Variants in CR2 observed in about 807,000 individuals in gnomAD.
CR2 encodes the protein complement receptor type 2.
CR2 carries 96 observed loss-of-function variants against 123.0 expected under a neutral mutation model. The observed-to-expected ratio is 0.78, with a 90% CI of 0.66 to 0.93. The LOEUF is 0.93. Among genes scored for constraint, CR2 ranks in the 40% least tolerant of loss-of-function variants. The pLI is 0.00. For missense variants in CR2, 1,258 were observed against 1,361.0 expected (o/e 0.92, Z 1.19); for synonymous variants, 484 against 469.5 (o/e 1.03, Z -0.40).
In CR2 at chr1:207,454,430, G is replaced by T; in HGVS notation, c.12G>T (p.Ala4=). The part of the protein sequence containing the change: MGA[A]GLLGVFLALV... ...GCTTCGGCCGTGGCATGGGCGCCGC[G>T]GGCCTGCTCGGGGTTTTCTTGGCTC... The change falls in exon 1 of 20, where the codon GCG becomes GCT. Residue 4 remains alanine, a synonymous_variant. Transcript: ENST00000367057. This position sits in a 1 kb window ranked among gnomAD's most constrained non-coding sequence, Gnocchi z 4.3. 6.3e-7 allele frequency: 1 copy of T among 1,584,066 alleles called. No individual in the cohort carries two copies. Among genetic ancestry groups the T allele is most frequent in the East Asian group, 2.3e-5 (1 of 43,858 alleles).
rs1558196448 is a variant in CR2 at position 207,479,268 on chromosome 1, C to G, written c.3100C>G (p.Pro1034Ala). 1 of 1,598,710 alleles carries G rather than the reference C, an allele frequency of 6.3e-7. No homozygotes were observed. The highest frequency in any genetic ancestry group is 8.6e-7 in the Non-Finnish European group (1 of 1,166,616). ...TGTACTATTTTTAGGTTCACTTGCT[C>G]CTGTCCTTTGTGGTAAGTCTTCTTA... is the stretch of plus-strand genomic sequence containing the variant. ...LAVCRSRSLA[P>A]VLCGIAAGLI... The change falls in exon 17 of 20, where the codon CCT becomes GCT. Residue 1034 changes from proline (P) to alanine (A), a missense_variant. Transcript: ENST00000367057.
intron 1 of CR2, 139 bp from the exon 2 acceptor site, chr1:207,466,387 C>A: frequency 1.0e-6 from 1 of 965,616 alleles, no homozygotes; most frequent in Non-Finnish European, 1.6e-6. Flanking sequence ...TGGGAGTAAG[C>A]AGGGAATAAA....
At chr1:207,488,232 C>A (rs769717552) in intron 19 of CR2, among the ~76,000 whole-genome samples, 4 of 152,182 alleles carry the variant, frequency 2.6e-5, no homozygotes, top group Non-Finnish European at 5.9e-5. Flanking sequence ...GAAATAATAT[C>A]CAAGAAAACC....
chr1:207,468,836 G>A lies in CR2; in HGVS notation c.671G>A (p.Gly224Glu), dbSNP rs927776538. 1 of 1,613,966 alleles carries A rather than the reference G, an allele frequency of 6.2e-7. No homozygotes were observed. Among genetic ancestry groups the A allele is most frequent in the Non-Finnish European group, 8.5e-7 (1 of 1,179,924 alleles). The change falls in exon 4 of 20, where the codon GGG becomes GAG. Residue 224 changes from glycine to glutamate, a missense_variant. Transcript: ENST00000367057. ...AAATCTCTAGGACGATTTCCCAATG[G>A]GAAGGTAAAGGAGCCTCCAATTCTC... ...RCKSLGRFPNGKVKEPPILRV... is the reference protein window; with the variant it reads ...RCKSLGRFPNEKVKEPPILRV...
Position 207,475,235 on chromosome 1 carries a change from A to T in CR2, c.2716+19A>T. 1 of 1,613,670 alleles carries T rather than the reference A, an allele frequency of 6.2e-7. No homozygotes were observed. Among genetic ancestry groups the T allele is most frequent in the Non-Finnish European group, 8.5e-7 (1 of 1,179,744 alleles). On this transcript the variant is annotated intron_variant, in intron 14 of 19. Transcript: ENST00000367057. ...AAAAAAGGTAAGATACTTGGAAGGG[A>T]TAAGTTATGGGATGTTGTACAGAAT...
chr1:207,467,479 T>C (rs1658135232), intron 2 of CR2, among the ~76,000 whole-genome samples: 1 of 152,164 alleles, frequency 6.6e-6, no homozygotes, highest in African/African-American at 2.4e-5. Flanking sequence ...ATTCCTTCTC[T>C]TTTGGTTTGG....
chr1:207,461,087 A>G (rs183787156), intron 1 of CR2, among the ~76,000 whole-genome samples: 198 of 152,298 alleles, frequency 1.3e-3, no homozygotes, highest in African/African-American at 4.6e-3. Context: ...TGTCCCACAA[A>G]TTCACAAATA....
intron 19 of CR2, among the ~76,000 whole-genome samples, chr1:207,488,773 C>T (rs1391330994): frequency 6.6e-6 from 1 of 152,074 alleles, no homozygotes; most frequent in African/African-American, 2.4e-5. Flanking sequence ...GAAAAGGTAA[C>T]CTGCTGCTGG....
At chr1:207,483,506 G>GA (rs1184513331) in intron 18 of CR2, among the ~76,000 whole-genome samples, 2 of 151,292 alleles carry the variant, frequency 1.3e-5, no homozygotes, top group Non-Finnish European at 1.5e-5. Flanking sequence ...AATGACTTCA[G>GA]AAAAAAAGGG....
chr1:207,480,272 A>G (rs1019285054), intron 18 of CR2, among the ~76,000 whole-genome samples: 1 of 152,230 alleles, frequency 6.6e-6, no homozygotes, highest in African/African-American at 2.4e-5. Context: ...TTCAGATAGT[A>G]TATTGTAAAC....
chr1:207,455,761 A>C (rs1335661485), intron 1 of CR2, among the ~76,000 whole-genome samples: 1 of 152,218 alleles, frequency 6.6e-6, no homozygotes, highest in Non-Finnish European at 1.5e-5. Flanking sequence ...TAAATTTCAA[A>C]GAGGATATTA....
intron 1 of CR2, among the ~76,000 whole-genome samples, chr1:207,460,206 A>G (rs1253670793): frequency 6.6e-6 from 1 of 152,204 alleles, no homozygotes. Context: ...TCAAACCCTG[A>G]TATTCCTTAT....
At chr1:207,479,734 T>A (rs1363690147) in intron 17 of CR2, among the ~76,000 whole-genome samples, 4 of 152,198 alleles carry the variant, frequency 2.6e-5, no homozygotes, top group Non-Finnish European at 5.9e-5. Context: ...AAAAACTCAA[T>A]GAAAAGTTGA....
intron 1 of CR2, among the ~76,000 whole-genome samples, chr1:207,457,332 C>A (rs951846737): frequency 1.3e-5 from 2 of 152,182 alleles, no homozygotes; most frequent in Admixed American, 6.5e-5. Flanking sequence ...ATGTTCCATA[C>A]CCTCTTGCCT....
intron 1 of CR2, among the ~76,000 whole-genome samples, chr1:207,463,443 T>G (rs1658013345): frequency 6.6e-6 from 1 of 152,180 alleles, no homozygotes; most frequent in Non-Finnish European, 1.5e-5. Flanking sequence ...AAGGAAGTTT[T>G]GGCTGCTCTC....
intron 1 of CR2, among the ~76,000 whole-genome samples, chr1:207,456,798 C>T (rs1657844205): frequency 6.6e-6 from 1 of 152,210 alleles, no homozygotes; most frequent in Admixed American, 6.5e-5. Context: ...AACCCATACC[C>T]CTTATTCTCC....
chr1:207,474,262 T>C lies in CR2; in HGVS notation c.2262T>C (p.Ala754=). The C allele has an allele frequency of 6.2e-7, 1 of 1,613,232 alleles. No homozygotes were observed. The highest frequency in any genetic ancestry group is 1.1e-5 in the South Asian group (1 of 91,086). ...CQDGYQLTGH[A]YQMCQDAENG... ...GTAGGTACCAGTTGACTGGACATGC[T>C]TATCAGATGTGTCAAGATGCTGAAA... is the stretch of plus-strand genomic sequence containing the variant. The change falls in exon 13 of 20, where the codon GCT becomes GCC. Residue 754 remains alanine, a synonymous_variant. Coordinates refer to ENST00000367057, the MANE Select transcript of CR2 (RefSeq NM_001006658.3).
intron 1 of CR2, among the ~76,000 whole-genome samples, chr1:207,465,209 C>T (rs1322827469): frequency 5.9e-5 from 9 of 152,110 alleles, no homozygotes; most frequent in East Asian, 1.9e-4. Context: ...GGATTACAGA[C>T]GTGAACCACC....
At position 207,469,178 on chromosome 1, in the gene CR2, C is replaced by A. The variant is rs61754519; in HGVS notation, c.763C>A (p.Arg255=). Residue 255 remains arginine, a synonymous_variant, in exon 5 of 20, where the codon CGG becomes AGG. Coordinates refer to ENST00000367057, the MANE Select transcript of CR2 (RefSeq NM_001006658.3). ...GYRLQGPPSS[R]CVIAGQGVAW... Reference sequence around the variant, plus strand: ...TCGACTGCAAGGCCCACCTTCTAGTCGGTGTGTAATTGCTGGACAGGGAGT... The same window carrying A: ...TCGACTGCAAGGCCCACCTTCTAGTAGGTGTGTAATTGCTGGACAGGGAGT... 3.8e-5 allele frequency: 61 copies of A among 1,613,884 alleles called. No homozygotes were observed. The African/African-American group carries it at 7.6e-4, about 20-fold the overall frequency.
Sources: gnomAD v4.1 joint callset for allele counts (sites outside exome capture counted in the v4.1 genomes callset) on GRCh38, gnomAD v4.1.1 for gene constraint, Gnocchi (gnomAD v3.1) non-coding constraint, MANE v1.5 for transcripts, NCBI Gene and HGNC (gene_info 2026-07-23, HGNC 2026-07-21) for gene names.